Variants in MAGI2 observed in about 807,000 individuals in gnomAD.
The protein encoded by MAGI2 is membrane-associated guanylate kinase, WW and PDZ domain-containing protein 2.
Under a neutral mutation model 133.3 loss-of-function variants are expected in MAGI2, and 35 were observed. That is an observed-to-expected ratio of 0.26 (90% CI 0.20 to 0.35). The LOEUF (loss-of-function observed/expected upper bound fraction) is 0.35, where lower values mean the gene tolerates loss of function less well. Among genes scored for constraint, MAGI2 ranks in the 10% least tolerant of loss-of-function variants. The pLI, the probability that MAGI2 is intolerant of heterozygous loss-of-function variation, is 1.00. For missense variants in MAGI2, 1,636 were observed against 1,863.4 expected, an observed-to-expected ratio of 0.88 and a Z score of 2.25; for synonymous variants, 729 against 710.6, an observed-to-expected ratio of 1.03 and a Z score of -0.41.
intron 2 of MAGI2, among the ~76,000 whole-genome samples, chr7:78,944,911 A>AT (rs1448213474): frequency 7.3e-5 from 11 of 151,092 alleles, no homozygotes; most frequent in East Asian, 2.0e-4. Flanking sequence ...TAATTTCTGT[A>AT]TTTTTTTTGT....
intron 2 of MAGI2, among the ~76,000 whole-genome samples, chr7:78,933,246 T>G (rs1800272386): frequency 6.6e-6 from 1 of 152,260 alleles, no homozygotes; most frequent in African/African-American, 2.4e-5. Context: ...TTATGCTATG[T>G]ACTTTCCCAC....
At chr7:78,082,362 C>T (rs138299186) in intron 20 of MAGI2, among the ~76,000 whole-genome samples, 3,849 of 152,188 alleles carry the variant, frequency 0.025, 69 homozygotes, top group Non-Finnish European at 0.033. Context: ...TTAGGGGCTG[C>T]GTAAGGGCTG....
chr7:78,736,583 G>A lies in MAGI2; in HGVS notation c.419-109344C>T, dbSNP rs1403947252. ...GACCCCTGAGGGTCCCTAAGAACCT[G>A]AAGAGGGCTCATTAGGTCAAAATCA... On this transcript the variant is annotated intron_variant, in intron 2 of 21. Transcript: ENST00000354212. Among the ~76,000 whole-genome samples the A allele has an allele frequency of 3.3e-5, 5 of 152,228 alleles. No homozygotes were observed. In the South Asian group the frequency reaches 6.2e-4, roughly 19 times the overall value.
intron 20 of MAGI2, among the ~76,000 whole-genome samples, chr7:78,121,689 G>C: frequency 6.6e-6 from 1 of 152,136 alleles, no homozygotes; most frequent in East Asian, 1.9e-4. Context: ...GTGTTACTTA[G>C]GTAAGTTAAA....
intron 21 of MAGI2, among the ~76,000 whole-genome samples, chr7:78,039,272 C>T (rs893301865): frequency 2.6e-5 from 4 of 152,206 alleles, no homozygotes; most frequent in African/African-American, 9.7e-5. Flanking sequence ...GATGTGATCT[C>T]TCACACCTGA....
intron 1 of MAGI2, among the ~76,000 whole-genome samples, chr7:79,450,031 T>C (rs1298814389): frequency 2.0e-5 from 3 of 151,744 alleles, no homozygotes; most frequent in African/African-American, 7.2e-5. Flanking sequence ...CAATTTTACC[T>C]GGTGCACTTA....
intron 2 of MAGI2, among the ~76,000 whole-genome samples, chr7:78,781,116 C>G (rs756115818): frequency 1.3e-5 from 2 of 152,178 alleles, no homozygotes; most frequent in African/African-American, 4.8e-5. Flanking sequence ...GGGTGGCTCA[C>G]GCCTGTAATC....
At chr7:78,592,603 TAGAA>T (rs1209032174) in intron 3 of MAGI2, among the ~76,000 whole-genome samples, 5 of 152,102 alleles carry the variant, frequency 3.3e-5, no homozygotes, top group East Asian at 3.9e-4. Flanking sequence ...AAAAATCAAT[TAGAA>T]AGAAGAGAAA....
rs1220037309 is a variant in MAGI2, at chr7:78,032,014, T to TTA, written c.3707-12039_3707-12038insTA. 3.3e-5 allele frequency among the ~76,000 whole-genome samples: 5 copies of TTA among 150,618 alleles called. No homozygotes were observed. The East Asian group carries it at 9.8e-4, about 29-fold the overall frequency. ...CAGGGGACAAAGCCCCCCCACTTTT[T>TTA]TTTTTTTTTTTTTTTTTACAATTCC... On this transcript the variant is annotated intron_variant, in intron 21 of 21. Transcript: ENST00000354212.
intron 1 of MAGI2, among the ~76,000 whole-genome samples, chr7:79,362,382 T>A (rs1842426346): frequency 6.6e-6 from 1 of 152,108 alleles, no homozygotes; most frequent in African/African-American, 2.4e-5. Context: ...TTTAGAACTA[T>A]CTAAAAAGAA....
At chr7:78,580,564 C>T (rs1278428824) in intron 3 of MAGI2, among the ~76,000 whole-genome samples, 1 of 152,178 alleles carries the variant, frequency 6.6e-6, no homozygotes, top group Non-Finnish European at 1.5e-5. Context: ...TAAATTTTAA[C>T]ATAATCCATA....
intron 14 of MAGI2, among the ~76,000 whole-genome samples, chr7:78,177,151 T>C (rs911250320): frequency 7.2e-5 from 11 of 152,042 alleles, no homozygotes; most frequent in Admixed American, 2.0e-4. Flanking sequence ...AAGCTGAGGC[T>C]TAAGATTTAA....
chr7:79,363,151 A>G (rs1842467092), intron 1 of MAGI2, among the ~76,000 whole-genome samples: 2 of 151,654 alleles, frequency 1.3e-5, no homozygotes, highest in Admixed American at 1.3e-4. Context: ...CTACATACGA[A>G]CAATAAACAC....
At chr7:78,427,956 G>A (rs547162718) in intron 6 of MAGI2, among the ~76,000 whole-genome samples, 1 of 152,180 alleles carries the variant, frequency 6.6e-6, no homozygotes, top group Admixed American at 6.5e-5. Flanking sequence ...TCCACCCCAT[G>A]GGAATTTTTC....
intron 2 of MAGI2, among the ~76,000 whole-genome samples, chr7:78,893,173 C>T (rs74922453): frequency 0.49 from 72,219 of 146,826 alleles, 18,151 homozygotes; most frequent in South Asian, 0.65. Flanking sequence ...ATCAAAACCA[C>T]AAGGAGATAC....
chr7:78,495,279 C>T (rs907063590), intron 5 of MAGI2, among the ~76,000 whole-genome samples: 1 of 152,132 alleles, frequency 6.6e-6, no homozygotes, highest in Non-Finnish European at 1.5e-5. Context: ...TATCCCCCAA[C>T]AGGCCCTGGT....
intron 2 of MAGI2, among the ~76,000 whole-genome samples, chr7:78,822,886 T>C (rs1338475770): frequency 6.6e-6 from 1 of 152,198 alleles, no homozygotes; most frequent in Non-Finnish European, 1.5e-5. Context: ...GGATAGTATC[T>C]GAATTATTTT....
chr7:79,294,871 A>G (rs373607739), intron 1 of MAGI2, among the ~76,000 whole-genome samples: 286 of 150,336 alleles, frequency 1.9e-3, no homozygotes, highest in African/African-American at 6.6e-3. Flanking sequence ...CTGGGACTAC[A>G]GGCGCCCGCC....
chr7:78,171,715 A>T (rs1226102595), intron 14 of MAGI2, among the ~76,000 whole-genome samples: 2 of 152,052 alleles, frequency 1.3e-5, no homozygotes, highest in Non-Finnish European at 2.9e-5. Context: ...ACCAGGTCAC[A>T]CCCTTTTAGT....
Sources: allele counts gnomAD v4.1 joint callset (sites outside exome capture counted in the v4.1 genomes callset), GRCh38; gene constraint gnomAD v4.1.1; transcripts MANE v1.5; gene names NCBI Gene and HGNC (gene_info 2026-07-23, HGNC 2026-07-21).